Variants in CLVS1 observed in about 807,000 individuals in gnomAD.
The protein encoded by CLVS1 is clavesin 1, also known as clavesin-1.
A neutral mutation model predicts 33.1 loss-of-function variants in CLVS1; 10 were observed. The observed-to-expected ratio is 0.30, with a 90% CI of 0.19 to 0.51. CLVS1 has a LOEUF of 0.51. Ranked by LOEUF, CLVS1 falls within the 20% of genes least tolerant of loss-of-function variation. CLVS1 has a pLI of 0.97. For missense variants in CLVS1, 343 were observed against 433.4 expected (o/e 0.79, Z 1.85); for synonymous variants, 163 against 166.1 (o/e 0.98, Z 0.14).
chr8:61,019,289 C>T, the CLVS1 span, among the ~76,000 whole-genome samples: 1 of 152,354 alleles, frequency 6.6e-6, no homozygotes, highest in East Asian at 1.9e-4. Flanking sequence ...AACGAACTCA[C>T]TTACCTCAGT....
chr8:61,003,417 CA>C, the CLVS1 span, among the ~76,000 whole-genome samples: 2 of 152,110 alleles, frequency 1.3e-5, no homozygotes, highest in East Asian at 3.8e-4. Flanking sequence ...TGTTGGAAGT[CA>C]AGTGAGCGAG....
rs1228318856 is a variant in CLVS1 at position 61,501,268 on chromosome 8, G to C, written c.*1726G>C. The C allele has an allele frequency of 2.0e-5, 3 of 152,152 alleles. No homozygotes were observed. Among genetic ancestry groups the C allele is most frequent in the Non-Finnish European group, 2.9e-5 (2 of 68,004 alleles). 9.4% of individuals were successfully genotyped at this position (152,152 alleles called of 1,614,324 possible). Reference sequence around the variant, plus strand: ...CATTTTATTGCTTGGGTTTAAAATAGTTGTGGGATACAAGTATTTACAATG... The same window carrying C: ...CATTTTATTGCTTGGGTTTAAAATACTTGTGGGATACAAGTATTTACAATG... On this transcript the variant is annotated 3_prime_UTR_variant, in exon 6 of 6. Transcript: ENST00000325897.
intron 1 of CLVS1, among the ~76,000 whole-genome samples, chr8:61,090,561 G>A (rs767312834): frequency 8.5e-5 from 13 of 152,108 alleles, no homozygotes; most frequent in Admixed American, 1.3e-4. Context: ...GGGTGGATCC[G>A]TGAGCCAAGA....
the CLVS1 span, among the ~76,000 whole-genome samples, chr8:60,992,885 T>A: frequency 6.6e-6 from 1 of 152,048 alleles, no homozygotes; most frequent in African/African-American, 2.4e-5. Flanking sequence ...GGGGAGGTGG[T>A]CTGGAGGGCA....
chr8:61,074,117 G>A (rs1180344266), intron 1 of CLVS1, among the ~76,000 whole-genome samples: 1 of 151,366 alleles, frequency 6.6e-6, no homozygotes, highest in East Asian at 1.9e-4. Context: ...GCGGAAGCAT[G>A]GCTTGAGCCT....
At chr8:61,236,993 C>T (rs1395418343) in intron 2 of CLVS1, among the ~76,000 whole-genome samples, 1 of 152,200 alleles carries the variant, frequency 6.6e-6, no homozygotes, top group Non-Finnish European at 1.5e-5. Context: ...GCTTCATAAA[C>T]AATTTGGCTC....
chr8:61,060,771 G>A (rs1435255016), intron 1 of CLVS1, among the ~76,000 whole-genome samples: 2 of 152,128 alleles, frequency 1.3e-5, no homozygotes, highest in Non-Finnish European at 2.9e-5. Context: ...GTTTACAGAT[G>A]AGAAAACTGA....
At chr8:61,253,990 G>A (rs1220436885) in intron 2 of CLVS1, among the ~76,000 whole-genome samples, 1 of 152,184 alleles carries the variant, frequency 6.6e-6, no homozygotes, top group East Asian at 1.9e-4. Context: ...GAGGCGGAGA[G>A]GCGCTCTGAT....
chr8:61,169,352 C>G (rs1227273437), intron 2 of CLVS1, among the ~76,000 whole-genome samples: 1 of 152,084 alleles, frequency 6.6e-6, no homozygotes, highest in Non-Finnish European at 1.5e-5. Context: ...TCTAAAAGTT[C>G]CTTTACCTAA....
intron 3 of CLVS1, among the ~76,000 whole-genome samples, chr8:61,399,404 T>A (rs55796213): frequency 0.018 from 2,718 of 152,298 alleles, 84 homozygotes; most frequent in African/African-American, 0.061. Flanking sequence ...TTTTCTTTTT[T>A]CTTGTAAATT....
chr8:61,202,468 C>T (rs745321684), intron 2 of CLVS1: 42 of 810,516 alleles, frequency 5.2e-5, no homozygotes, highest in Middle Eastern at 3.4e-4. Flanking sequence ...TGAAAATGAG[C>T]GCCAGTTGTC....
intron 1 of CLVS1, among the ~76,000 whole-genome samples, chr8:61,288,464 C>T (rs567801240): frequency 3.9e-5 from 6 of 152,140 alleles, no homozygotes; most frequent in African/African-American, 1.4e-4. Flanking sequence ...GCCCGAGGTC[C>T]GCAGGGCAGA....
chr8:61,307,841 A>G (rs1312655146), intron 2 of CLVS1, among the ~76,000 whole-genome samples: 1 of 151,824 alleles, frequency 6.6e-6, no homozygotes, highest in African/African-American at 2.4e-5. Context: ...TCCCCCTCCC[A>G]CACTCCCACC....
intron 1 of CLVS1, among the ~76,000 whole-genome samples, chr8:61,131,075 G>T (rs1806088253): frequency 6.6e-6 from 1 of 152,168 alleles, no homozygotes; most frequent in African/African-American, 2.4e-5. Context: ...TTCTACACGA[G>T]GATCATGTGC....
intron 2 of CLVS1, among the ~76,000 whole-genome samples, chr8:61,246,167 C>CTTTTTTTTT (rs1188366643): frequency 0.013 from 1,106 of 82,240 alleles, 181 homozygotes; most frequent in Non-Finnish European, 0.019. Context: ...TCCTTCCCAA[C>CTTTTTTTTT]TTTTTTTTTT....
At chr8:61,305,433 C>T (rs1414071562) in intron 2 of CLVS1, among the ~76,000 whole-genome samples, 1 of 152,084 alleles carries the variant, frequency 6.6e-6, no homozygotes, top group African/African-American at 2.4e-5. Context: ...AAATATTTGT[C>T]TTTCTGTGCC....
At chr8:61,353,018 T>C (rs1288133202) in intron 2 of CLVS1, among the ~76,000 whole-genome samples, 2 of 152,056 alleles carry the variant, frequency 1.3e-5, no homozygotes, top group Admixed American at 6.6e-5. Context: ...TATTGAGAGA[T>C]GACTGTTTCT....
At chr8:61,214,790 G>A (rs1585694813) in intron 2 of CLVS1, among the ~76,000 whole-genome samples, 1 of 152,124 alleles carries the variant, frequency 6.6e-6, no homozygotes, top group South Asian at 2.1e-4. Flanking sequence ...CTGTCCTTAT[G>A]GGCAAAGAAT....
intron 3 of CLVS1, among the ~76,000 whole-genome samples, chr8:61,402,617 G>C (rs1054143326): frequency 4.6e-5 from 7 of 152,162 alleles, no homozygotes; most frequent in African/African-American, 1.7e-4. Flanking sequence ...TCAGTGGATG[G>C]AGTGACTCGT....
Sources: gnomAD v4.1 joint callset for allele counts (sites outside exome capture counted in the v4.1 genomes callset) on GRCh38, gnomAD v4.1.1 for gene constraint, MANE v1.5 for transcripts, NCBI Gene and HGNC (gene_info 2026-07-23, HGNC 2026-07-21) for gene names.